Variants in EPHA4 observed in about 807,000 individuals in gnomAD.
The protein encoded by EPHA4 is EPH receptor A4.
In EPHA4, 19 loss-of-function variants were observed where a neutral mutation model predicts 108.3. The observed-to-expected ratio is 0.18, with a 90% confidence interval of 0.12 to 0.26. The LOEUF (loss-of-function observed/expected upper bound fraction) is 0.26. Ranked by LOEUF, EPHA4 falls within the 10% of genes least tolerant of loss-of-function variation. The pLI, the probability that EPHA4 is intolerant of heterozygous loss-of-function variation, is 1.00. For synonymous variants in EPHA4, 449 were observed against 455.5 expected, an observed-to-expected ratio of 0.99 and a Z score of 0.18; for missense variants, 917 against 1,254.0, an observed-to-expected ratio of 0.73 and a Z score of 4.06.
At chr2:221,559,191 A>G (rs901323101) in intron 3 of EPHA4, among the ~76,000 whole-genome samples, 2 of 152,240 alleles carry the variant, frequency 1.3e-5, no homozygotes, top group African/African-American at 2.4e-5. Flanking sequence ...GATGACCTCA[A>G]TATACAACAA....
intron 3 of EPHA4, among the ~76,000 whole-genome samples, chr2:221,511,369 G>A (rs889544575): frequency 6.0e-5 from 9 of 150,888 alleles, no homozygotes; most frequent in Admixed American, 2.0e-4. Flanking sequence ...GGCCAATCCC[G>A]GCAGCCATGC....
At chr2:221,432,801 G>A (rs1488534313) in intron 14 of EPHA4, among the ~76,000 whole-genome samples, 23 of 146,324 alleles carry the variant, frequency 1.6e-4, no homozygotes, top group African/African-American at 5.6e-4. Flanking sequence ...ACACCACCAC[G>A]CCCAGCAAAT....
chr2:221,521,155 T>C lies in EPHA4; in HGVS notation c.824-19983A>G, dbSNP rs1220751063. Among the ~76,000 whole-genome samples the C allele has an allele frequency of 2.0e-5, 3 of 152,342 alleles. No homozygotes were observed. In the East Asian group the frequency reaches 5.8e-4, roughly 29 times the overall value. On this transcript the variant is annotated intron_variant, in intron 3 of 17. Transcript: ENST00000281821. ...TTCTTGTAAGAATTCTTCCCTATTCTCAACCCTCGGACTCTATTACCTACT... is the reference window on the plus strand; with the variant it reads ...TTCTTGTAAGAATTCTTCCCTATTCCCAACCCTCGGACTCTATTACCTACT...
At position 221,442,730 on chromosome 2, in the gene EPHA4, A is replaced by G. The variant is rs1030700221; in HGVS notation, c.2074+99T>C. The G allele has an allele frequency of 2.4e-6, 3 of 1,232,944 alleles. No individual in the cohort carries two copies. The African/African-American group carries it at 4.5e-5, about 18-fold the overall frequency. The allele number at this position is 1,232,944 out of a possible 1,614,324, so 76.4% of individuals were successfully genotyped here. A position where few individuals can be genotyped will look rare whatever the true frequency, so the allele number is the denominator to read the frequency against. On this transcript the variant is annotated intron_variant, in intron 11 of 17. Transcript: ENST00000281821. Reference sequence around the variant, plus strand: ...CACTGATTTCCTCCTATTAGCAATCAGTGGGTCTGCGCCATCTGTCATTTC... The same window carrying G: ...CACTGATTTCCTCCTATTAGCAATCGGTGGGTCTGCGCCATCTGTCATTTC...
chr2:221,493,560 C>T lies in EPHA4; in HGVS notation c.979+7457G>A, dbSNP rs918911147. ...CATTCAAATTTTCACAACACAGTCA[C>T]ACAGCACCGGTCGAATCGACATTGG... On this transcript the variant is annotated intron_variant, in intron 4 of 17. Coordinates refer to ENST00000281821, the MANE Select transcript of EPHA4 (RefSeq NM_004438.5). Among the ~76,000 whole-genome samples the T allele has an allele frequency of 9.2e-5, 14 of 152,296 alleles. No individual in the cohort carries two copies. The East Asian group carries it at 2.7e-3, about 29-fold the overall frequency.
rs114300431 is a variant in EPHA4, at chr2:221,497,170, C to T, written c.979+3847G>A. ...AGCTGGAAATAAAAGAGGAAGAGAA[C>T]AAACATTGATTAGATCCCTACCAGG... On this transcript the variant is annotated intron_variant, in intron 4 of 17. Coordinates refer to ENST00000281821, the MANE Select transcript of EPHA4 (RefSeq NM_004438.5). 2.9e-3 allele frequency among the ~76,000 whole-genome samples: 436 copies of T among 152,218 alleles called. 3 individuals carry two copies. The highest frequency in any genetic ancestry group is 9.9e-3 in the African/African-American group (410 of 41,540).
chr2:221,509,639 A>G (rs1031217745), intron 3 of EPHA4, among the ~76,000 whole-genome samples: 1 of 152,220 alleles, frequency 6.6e-6, no homozygotes, highest in African/African-American at 2.4e-5. Flanking sequence ...GGTTACCTTA[A>G]TCAAGTGTAT....
Position 221,568,788 on chromosome 2 carries a change from G to A in EPHA4, c.92-3C>T. 2 of 1,610,954 alleles carry A rather than the reference G, an allele frequency of 1.2e-6. No individual in the cohort carries two copies. The highest frequency in any genetic ancestry group is 1.7e-6 in the Non-Finnish European group (2 of 1,178,848). ...AGATCTGGAATCCAATAAGGTAACT[G>A]CAAAAAACAAAAGAAAAATAGATGA... is the stretch of plus-strand genomic sequence containing the variant. On this transcript the variant is annotated splice_polypyrimidine_tract_variant and splice_region_variant and intron_variant, in intron 1 of 17. Coordinates refer to ENST00000281821, the MANE Select transcript of EPHA4 (RefSeq NM_004438.5).
intron 13 of EPHA4, among the ~76,000 whole-genome samples, chr2:221,434,654 C>G (rs1173416041): frequency 6.6e-6 from 1 of 152,092 alleles, no homozygotes; most frequent in Non-Finnish European, 1.5e-5. Context: ...GTTGGATTCT[C>G]TCACCCAGGA....
intron 9 of EPHA4, among the ~76,000 whole-genome samples, chr2:221,444,903 G>A (rs927155797): frequency 7.2e-5 from 11 of 151,746 alleles, no homozygotes; most frequent in African/African-American, 2.2e-4. Flanking sequence ...GATTACAGGC[G>A]TGCATTATCA....
chr2:221,552,608 C>T (rs1251280879), intron 3 of EPHA4, among the ~76,000 whole-genome samples: 1 of 152,192 alleles, frequency 6.6e-6, no homozygotes, highest in African/African-American at 2.4e-5. Flanking sequence ...CAGCCATTGC[C>T]AGGCTGGGCA....
intron 3 of EPHA4, among the ~76,000 whole-genome samples, chr2:221,561,767 T>C (rs1424455877): frequency 6.6e-6 from 1 of 152,230 alleles, no homozygotes; most frequent in Non-Finnish European, 1.5e-5. Flanking sequence ...TAGCAATGTA[T>C]GAGTTACTAG....
chr2:221,502,311 G>C (rs1219049561), intron 3 of EPHA4, among the ~76,000 whole-genome samples: 1 of 152,054 alleles, frequency 6.6e-6, no homozygotes. Context: ...AGGCCATTAA[G>C]AGTAAAGTTA....
At chr2:221,422,415 G>A (rs1227084555) in intron 17 of EPHA4, among the ~76,000 whole-genome samples, 1 of 152,218 alleles carries the variant, frequency 6.6e-6, no homozygotes. Flanking sequence ...AGAAAGAATG[G>A]TCTCATAAAC....
Position 221,452,908 on chromosome 2 carries a change from G to T in EPHA4, c.1715+2639C>A, listed in dbSNP as rs139608433. On this transcript the variant is annotated intron_variant, in intron 8 of 17. Transcript: ENST00000281821. Reference sequence around the variant, plus strand: ...AAGGATGCTATTTTCCGTAGTCACGGCTTTTAATAAACTTGTCTCCCCGCA... The same window carrying T: ...AAGGATGCTATTTTCCGTAGTCACGTCTTTTAATAAACTTGTCTCCCCGCA... Among the ~76,000 whole-genome samples the T allele has an allele frequency of 1.8e-4, 28 of 152,264 alleles. No individual in the cohort carries two copies. The East Asian group carries it at 5.4e-3, about 29-fold the overall frequency.
At chr2:221,499,142 G>A (rs1692396216) in intron 4 of EPHA4, among the ~76,000 whole-genome samples, 1 of 150,760 alleles carries the variant, frequency 6.6e-6, no homozygotes. Context: ...AACTCTGAAT[G>A]TTTATGCTTG....
At chr2:221,421,278 T>C (rs1574547948) in intron 17 of EPHA4, among the ~76,000 whole-genome samples, 2 of 150,142 alleles carry the variant, frequency 1.3e-5, no homozygotes, top group East Asian at 2.0e-4. Context: ...CCAGCCTGGG[T>C]GACAGAGCGA....
chr2:221,457,837 G>C (rs1691009680), intron 6 of EPHA4, 29 bp downstream of exon 6: 5 of 1,602,368 alleles, frequency 3.1e-6, no homozygotes, highest in Non-Finnish European at 4.3e-6. Context: ...AGGAAGAAAG[G>C]AAAGGAGTGT....
At chr2:221,474,259 T>C (rs887802762) in intron 5 of EPHA4, among the ~76,000 whole-genome samples, 1 of 152,140 alleles carries the variant, frequency 6.6e-6, no homozygotes, top group Non-Finnish European at 1.5e-5. Context: ...TCACAGACAC[T>C]GGTGCCACAC....
Sources: allele counts gnomAD v4.1 joint callset (sites outside exome capture counted in the v4.1 genomes callset), GRCh38; gene constraint gnomAD v4.1.1; transcripts MANE v1.5; gene names NCBI Gene and HGNC (gene_info 2026-07-23, HGNC 2026-07-21).